AGO3: variants seen among roughly 807,000 people sequenced by gnomAD.
The protein encoded by AGO3 is argonaute RISC catalytic component 3.
In AGO3, 16 loss-of-function variants were observed where a neutral mutation model predicts 105.5. That is an observed-to-expected ratio of 0.15 (90% CI 0.10 to 0.23). The LOEUF (loss-of-function observed/expected upper bound fraction) is 0.23. Ranked by LOEUF, AGO3 falls within the 10% of genes least tolerant of loss-of-function variation. The probability of loss-of-function intolerance (pLI) is 1.00; values close to 1 mark genes in which losing one functional copy is unlikely to be tolerated. For synonymous variants in AGO3, 340 were observed against 367.3 expected (o/e 0.93, Z 0.85); for missense variants, 534 against 1,088.0 (o/e 0.49, Z 7.16).
chr1:36,018,922 C>A (rs1641064371), intron 11 of AGO3, among the ~76,000 whole-genome samples: 1 of 151,972 alleles, frequency 6.6e-6, no homozygotes, highest in South Asian at 2.1e-4. Context: ...AGGCCATCTG[C>A]TTCTCGGGAG....
intron 5 of AGO3, among the ~76,000 whole-genome samples, chr1:36,002,399 G>A (rs922922680): frequency 2.2e-5 from 3 of 138,182 alleles, no homozygotes; most frequent in Non-Finnish European, 4.6e-5. Context: ...GCGTGATCTC[G>A]GCTCACTGCA....
chr1:36,027,114 G>C lies in AGO3; in HGVS notation c.1407G>C (p.Lys469Asn), dbSNP rs1444862234. 1 of 1,611,092 alleles carries C rather than the reference G, an allele frequency of 6.2e-7. No homozygotes were observed. The highest frequency in any genetic ancestry group is 8.5e-7 in the Non-Finnish European group (1 of 1,178,718). Residue 469 changes from lysine (K) to asparagine (N), a missense_variant and splice_region_variant, in exon 12 of 19, where the codon AAG becomes AAC. By Grantham distance (94) the Lys-to-Asn change is moderately conservative. Around this residue, in one of 2 missense-constraint regions of AGO3, gnomAD observed 373 missense variants for 854.0 expected, o/e 0.44. Coordinates refer to ENST00000373191, the MANE Select transcript of AGO3 (RefSeq NM_024852.4). The surrounding 1 kb of genome is among the most constrained non-coding windows in gnomAD (Gnocchi z 4.0). ...TQRQCREEIL[K>N]GFTDQLRKIS... is the part of the protein sequence containing the mutation. ...TATATTTAGTGGTTTCTCCTTCCAG[G>C]GGTTTCACAGACCAGCTGCGTAAGA...
At chr1:35,987,260 A>C (rs1237329624) in intron 5 of AGO3, among the ~76,000 whole-genome samples, 1 of 151,058 alleles carries the variant, frequency 6.6e-6, no homozygotes, top group Non-Finnish European at 1.5e-5. Context: ...CCCAGGAGGC[A>C]GAGGTTGCAG....
At position 36,055,209 on chromosome 1, in the gene AGO3, A is replaced by G. The variant is rs759381484; in HGVS notation, c.2474+64A>G. The G allele has an allele frequency of 1.1e-5, 16 of 1,500,950 alleles. No individual in the cohort carries two copies. Among genetic ancestry groups the G allele is most frequent in the Non-Finnish European group, 1.4e-5 (15 of 1,105,144 alleles). The allele number at this position is 1,500,950 out of a possible 1,614,324, so 93.0% of individuals were successfully genotyped here. On this transcript the variant is annotated intron_variant, in intron 18 of 18. Coordinates refer to ENST00000373191, the MANE Select transcript of AGO3 (RefSeq NM_024852.4). This position sits in a 1 kb window ranked among gnomAD's most constrained non-coding sequence, Gnocchi z 4.4. The stretch of plus-strand genomic sequence containing the variant: ...ATATTGTCTGCATGGTAGGATTTTC[A>G]AGTTCCACAAGCTATTAGCGGAGTC...
At chr1:35,937,228 C>T (rs1208242882) in intron 1 of AGO3, among the ~76,000 whole-genome samples, 4 of 152,096 alleles carry the variant, frequency 2.6e-5, no homozygotes, top group Non-Finnish European at 4.4e-5. Flanking sequence ...ATGGTGAAAC[C>T]TCGTCTCTAC....
chr1:35,970,105 G>C (rs1285388714), intron 3 of AGO3, among the ~76,000 whole-genome samples: 3 of 152,112 alleles, frequency 2.0e-5, no homozygotes, highest in African/African-American at 7.2e-5. Context: ...CCATTTCTCT[G>C]AGGATCTCTG....
At chr1:35,988,031 G>C (rs1402246050) in intron 5 of AGO3, among the ~76,000 whole-genome samples, 2 of 152,018 alleles carry the variant, frequency 1.3e-5, no homozygotes, top group Non-Finnish European at 2.9e-5. Context: ...TCTTGCCACT[G>C]TACTCCAGCC....
intron 2 of AGO3, among the ~76,000 whole-genome samples, chr1:35,951,047 C>G (rs1043515456): frequency 2.1e-4 from 32 of 152,162 alleles, no homozygotes; most frequent in Admixed American, 2.1e-3. Flanking sequence ...ACCTCCGCCT[C>G]CTGGGTTCAA....
chr1:36,049,322 G>C (rs1255942010), intron 17 of AGO3, among the ~76,000 whole-genome samples: 1 of 152,002 alleles, frequency 6.6e-6, no homozygotes, highest in Non-Finnish European at 1.5e-5. Flanking sequence ...GATCAAGACT[G>C]TCTTGGCCAA....
At chr1:36,009,943 T>C (rs1640516112) in intron 9 of AGO3, among the ~76,000 whole-genome samples, 1 of 140,600 alleles carries the variant, frequency 7.1e-6, no homozygotes. Context: ...TTTTTTTTTT[T>C]TTTTTTTTTT....
At chr1:35,978,434 C>T (rs1211061141) in intron 5 of AGO3, among the ~76,000 whole-genome samples, 1 of 152,122 alleles carries the variant, frequency 6.6e-6, no homozygotes, top group Non-Finnish European at 1.5e-5. Flanking sequence ...TCAGGTGATC[C>T]GCCTCCCTCC....
chr1:36,067,164 T>G lies in AGO3; in HGVS notation c.*11419T>G, dbSNP rs1005206294. On this transcript the variant is annotated 3_prime_UTR_variant, in exon 19 of 19. Transcript: ENST00000373191. The stretch of plus-strand genomic sequence containing the variant: ...CAGGGCCTTTCCAGACAATGTAGTC[T>G]TTCCTGTAAAGAAAATGGTTTTGGT... 2.0e-5 allele frequency: 3 copies of G among 152,286 alleles called. No individual in the cohort carries two copies. The South Asian group carries it at 6.2e-4, about 32-fold the overall frequency. 9.4% of individuals were successfully genotyped at this position (152,286 alleles called of 1,614,324 possible).
intron 2 of AGO3, among the ~76,000 whole-genome samples, chr1:35,965,022 A>G (rs34876163): frequency 2.4e-3 from 363 of 151,560 alleles, no homozygotes; most frequent in Admixed American, 5.4e-3. Context: ...TTTTATTCCT[A>G]AGATGTTTTG....
intron 17 of AGO3, among the ~76,000 whole-genome samples, chr1:36,044,162 T>C (rs938660766): frequency 6.6e-6 from 1 of 152,064 alleles, no homozygotes; most frequent in African/African-American, 2.4e-5. Flanking sequence ...CTGGGCAACA[T>C]AGAGAAACCC....
intron 16 of AGO3, 31 bp from the exon 17 acceptor site, chr1:36,043,416 G>A: frequency 2.6e-6 from 4 of 1,562,206 alleles, no homozygotes; most frequent in Non-Finnish European, 3.5e-6. Context: ...CCTTTTTCTT[G>A]TTTGTTTAAA....
At position 36,055,514 on chromosome 1, in the gene AGO3, A is replaced by G. The variant is rs1642888448; in HGVS notation, c.2475-123A>G. 47 of 916,530 alleles carry G rather than the reference A, an allele frequency of 5.1e-5. No individual in the cohort carries two copies. The South Asian group carries it at 7.3e-4, about 14-fold the overall frequency. 56.8% of individuals were successfully genotyped at this position (916,530 alleles called of 1,614,324 possible). A position where few individuals can be genotyped will look rare whatever the true frequency, so the allele number is the denominator to read the frequency against. On this transcript the variant is annotated intron_variant, in intron 18 of 18. Coordinates refer to ENST00000373191, the MANE Select transcript of AGO3 (RefSeq NM_024852.4). The surrounding 1 kb of genome is among the most constrained non-coding windows in gnomAD (Gnocchi z 4.4). ...TTGAAGCTGAGTGATGGACACATAG[A>G]TTGTTACACCAGTCTCTTATTTGTT... is the stretch of plus-strand genomic sequence containing the variant.
At chr1:35,940,022 T>G (rs1646224768) in intron 1 of AGO3, among the ~76,000 whole-genome samples, 1 of 152,110 alleles carries the variant, frequency 6.6e-6, no homozygotes, top group South Asian at 2.1e-4. Context: ...TTGTTCAAAT[T>G]TTTACTTGTC....
At chr1:35,997,952 C>T (rs530838321) in intron 5 of AGO3, among the ~76,000 whole-genome samples, 20 of 152,112 alleles carry the variant, frequency 1.3e-4, no homozygotes, top group African/African-American at 4.6e-4. Context: ...CCGCCTTGGC[C>T]TCCCAAAGTA....
intron 12 of AGO3, among the ~76,000 whole-genome samples, chr1:36,031,550 A>ACTAAGTCATT (rs1296685307): frequency 3.3e-5 from 5 of 151,684 alleles, no homozygotes; most frequent in Non-Finnish European, 7.4e-5. Context: ...AATTTCAAGT[A>ACTAAGTCATT]CTAAGTCATT....
Sources: gnomAD v4.1 joint callset for allele counts (sites outside exome capture counted in the v4.1 genomes callset) on GRCh38, gnomAD v4.1.1 for gene constraint, gnomAD v4.1.1 regional missense constraint, Gnocchi (gnomAD v3.1) non-coding constraint, MANE v1.5 for transcripts, NCBI Gene and HGNC (gene_info 2026-07-23, HGNC 2026-07-21) for gene names.